Variants in IGF1R observed in about 807,000 individuals in gnomAD.
IGF1R encodes the protein insulin-like growth factor 1 receptor.
A neutral mutation model predicts 144.6 loss-of-function variants in IGF1R; 44 were observed. The ratio of observed to expected loss-of-function variants is 0.30; its 90% CI spans 0.24 to 0.39. The LOEUF is 0.39. Ranked by LOEUF, IGF1R falls within the 10% of genes least tolerant of loss-of-function variation. The pLI is 1.00. For synonymous variants in IGF1R, 795 were observed against 722.8 expected, an observed-to-expected ratio of 1.10 and a Z score of -1.60; for missense variants, 1,355 against 1,833.7, an observed-to-expected ratio of 0.74 and a Z score of 4.77.
In IGF1R at chr15:98,964,333, A is replaced by C. The variant is rs1414439723; in HGVS notation, c.*6891A>C. On this transcript the variant is annotated 3_prime_UTR_variant, in exon 21 of 21. Transcript: ENST00000650285. Reference sequence around the variant, plus strand: ...TATAAAAAATCAGTAGATGAAAAAAATTTCAAAATGTTTTTGTATATTCTG... The same window carrying C: ...TATAAAAAATCAGTAGATGAAAAAACTTTCAAAATGTTTTTGTATATTCTG... 4 of 231,246 alleles carry C rather than the reference A, an allele frequency of 1.7e-5. No individual in the cohort carries two copies. The highest frequency in any genetic ancestry group is 3.4e-5 in the Non-Finnish European group (4 of 116,782). The allele number at this position is 231,246 out of a possible 1,614,324, so 14.3% of individuals were successfully genotyped here.
chr15:98,673,053 G>A (rs1199601471), intron 1 of IGF1R, among the ~76,000 whole-genome samples: 1 of 152,026 alleles, frequency 6.6e-6, no homozygotes, highest in Non-Finnish European at 1.5e-5. Flanking sequence ...GGAGTGCAGT[G>A]GTGTGATCAT....
chr15:98,792,129 T>C (rs377210744), intron 2 of IGF1R, among the ~76,000 whole-genome samples: 12 of 152,216 alleles, frequency 7.9e-5, no homozygotes, highest in East Asian at 5.8e-4. Flanking sequence ...AGAATAACTT[T>C]CCTAACACTT....
intron 5 of IGF1R, among the ~76,000 whole-genome samples, chr15:98,904,430 C>T (rs2014631920): frequency 6.6e-6 from 1 of 152,116 alleles, no homozygotes; most frequent in South Asian, 2.1e-4. Flanking sequence ...AAAGAGGAAA[C>T]ATTGTCTGAA....
At chr15:98,775,508 A>G (rs1596294232) in intron 2 of IGF1R, among the ~76,000 whole-genome samples, 1 of 152,016 alleles carries the variant, frequency 6.6e-6, no homozygotes, top group Non-Finnish European at 1.5e-5. Flanking sequence ...TCATGTCTCA[A>G]CCTGGGCCTC....
intron 2 of IGF1R, among the ~76,000 whole-genome samples, chr15:98,813,574 G>A (rs1007756892): frequency 4.6e-5 from 7 of 152,218 alleles, no homozygotes; most frequent in African/African-American, 1.7e-4. Context: ...CCTTGGCATG[G>A]TGCACTACCT....
At chr15:98,716,917 T>C (rs896347610) in intron 2 of IGF1R, among the ~76,000 whole-genome samples, 9 of 152,162 alleles carry the variant, frequency 5.9e-5, no homozygotes, top group African/African-American at 1.9e-4. Context: ...CATCTGTTCC[T>C]TACAATATTG....
chr15:98,932,313 A>G (rs1331764477), intron 15 of IGF1R, among the ~76,000 whole-genome samples: 1 of 152,250 alleles, frequency 6.6e-6, no homozygotes, highest in Non-Finnish European at 1.5e-5. Context: ...CAACAAAATG[A>G]CATTGCAGTT....
intron 2 of IGF1R, among the ~76,000 whole-genome samples, chr15:98,872,837 A>G (rs2012856562): frequency 6.7e-6 from 1 of 148,228 alleles, no homozygotes; most frequent in South Asian, 2.2e-4. Context: ...TTTCCCTAAA[A>G]CCAATTAAAA....
intron 1 of IGF1R, among the ~76,000 whole-genome samples, 177 bp downstream of exon 1, chr15:98,649,852 C>G (rs576156978): frequency 6.6e-6 from 1 of 152,232 alleles, no homozygotes; most frequent in East Asian, 1.9e-4. Flanking sequence ...ACCCGGGACC[C>G]GGGCTCGTTC....
chr15:98,899,705 C>A, intron 5 of IGF1R, 84 bp downstream of exon 5: 1 of 1,356,450 alleles, frequency 7.4e-7, no homozygotes, highest in Non-Finnish European at 1.1e-6. Context: ...AGGTAAGAGC[C>A]CTCCCTGCCT....
intron 2 of IGF1R, among the ~76,000 whole-genome samples, chr15:98,888,436 A>AGTGTGT (rs1213205397): frequency 3.6e-4 from 6 of 16,730 alleles, no homozygotes; most frequent in East Asian, 4.1e-3. Flanking sequence ...AGAGAGAGAG[A>AGTGTGT]GAGTGTGTGT....
rs367716111 is a variant in IGF1R, at chr15:98,887,445, A to G, written c.641-3880A>G. On this transcript the variant is annotated intron_variant, in intron 2 of 20. Coordinates refer to ENST00000650285, the MANE Select transcript of IGF1R (RefSeq NM_000875.5). Reference sequence around the variant, plus strand: ...TCAACGTTCTTATTACTACTGCATTAATAGCTACTTGATCTTAATGTCTAT... The same window carrying G: ...TCAACGTTCTTATTACTACTGCATTGATAGCTACTTGATCTTAATGTCTAT... Among the ~76,000 whole-genome samples, 3 of 152,064 alleles carry G rather than the reference A, an allele frequency of 2.0e-5. No individual in the cohort carries two copies. The South Asian group carries it at 6.2e-4, about 31-fold the overall frequency.
At chr15:98,695,789 C>T (rs575786165) in intron 1 of IGF1R, among the ~76,000 whole-genome samples, 1 of 152,114 alleles carries the variant, frequency 6.6e-6, no homozygotes, top group Non-Finnish European at 1.5e-5. Context: ...TGTTTCTCTC[C>T]TCCAGCAGGG....
intron 2 of IGF1R, among the ~76,000 whole-genome samples, chr15:98,884,126 C>T (rs59151496): frequency 0.013 from 1,961 of 152,232 alleles, 57 homozygotes; most frequent in African/African-American, 0.045. Flanking sequence ...GAACACTCCA[C>T]TGGGGGGCTG....
intron 17 of IGF1R, among the ~76,000 whole-genome samples, chr15:98,937,318 C>T (rs995838656): frequency 4.6e-5 from 7 of 152,172 alleles, no homozygotes; most frequent in Non-Finnish European, 8.8e-5. Context: ...TCACTCCCTT[C>T]CTCCCCAGTT....
At chr15:98,696,110 C>T (rs954685261) in intron 1 of IGF1R, among the ~76,000 whole-genome samples, 2 of 148,110 alleles carry the variant, frequency 1.4e-5, no homozygotes, top group Non-Finnish European at 3.0e-5. Context: ...AAGTCTTTTT[C>T]ACACCTCCTA....
chr15:98,850,519 A>T (rs2011490503), intron 2 of IGF1R, among the ~76,000 whole-genome samples: 1 of 152,238 alleles, frequency 6.6e-6, no homozygotes, highest in East Asian at 1.9e-4. Flanking sequence ...TCCTCGGAAG[A>T]TGGCAGAGGT....
intron 2 of IGF1R, among the ~76,000 whole-genome samples, chr15:98,854,961 A>C (rs986025317): frequency 2.0e-5 from 3 of 150,054 alleles, no homozygotes; most frequent in African/African-American, 4.9e-5. Flanking sequence ...ACACATGTGG[A>C]GTACCTTACC....
At position 98,891,160 on chromosome 15, in the gene IGF1R, A is replaced by G. The variant is rs548920137; in HGVS notation, c.641-165A>G. On this transcript the variant is annotated intron_variant, in intron 2 of 20. Transcript: ENST00000650285. This position sits in a 1 kb window ranked among gnomAD's most constrained non-coding sequence, Gnocchi z 4.7. Reference sequence around the variant, plus strand: ...TGCAGGTCTAAGTGGATGAAAGGACAGTGGTGGGGGTGAGGATTTCGTAGT... The same window carrying G: ...TGCAGGTCTAAGTGGATGAAAGGACGGTGGTGGGGGTGAGGATTTCGTAGT... 2.0e-4 allele frequency among the ~76,000 whole-genome samples: 30 copies of G among 152,296 alleles called. No individual in the cohort carries two copies. In the East Asian group the frequency reaches 5.6e-3, roughly 28 times the overall value.
Sources: gnomAD v4.1 joint callset for allele counts (sites outside exome capture counted in the v4.1 genomes callset) on GRCh38, gnomAD v4.1.1 for gene constraint, Gnocchi (gnomAD v3.1) non-coding constraint, MANE v1.5 for transcripts, NCBI Gene and HGNC (gene_info 2026-07-23, HGNC 2026-07-21) for gene names.